C2CD5: variants seen among roughly 807,000 people sequenced by gnomAD.
C2CD5 encodes the protein C2 calcium dependent domain containing 5.
A neutral mutation model predicts 130.3 loss-of-function variants in C2CD5; 109 were observed. The observed-to-expected ratio is 0.84, with a 90% CI of 0.72 to 0.98. The LOEUF (loss-of-function observed/expected upper bound fraction) is 0.98, where lower values mean the gene tolerates loss of function less well. Ranked by LOEUF, C2CD5 falls within the 50% of genes least tolerant of loss-of-function variation. C2CD5 has a pLI of 0.00. For synonymous variants in C2CD5, 454 were observed against 429.2 expected, an observed-to-expected ratio of 1.06 and a Z score of -0.71; for missense variants, 996 against 1,261.8, an observed-to-expected ratio of 0.79 and a Z score of 3.19.
intron 5 of C2CD5, among the ~76,000 whole-genome samples, chr12:22,525,231 G>A (rs1381017954): frequency 6.6e-6 from 1 of 152,136 alleles, no homozygotes; most frequent in African/African-American, 2.4e-5. Flanking sequence ...CAGGCGGGCT[G>A]TGATCACCAA....
intron 3 of C2CD5, among the ~76,000 whole-genome samples, chr12:22,533,279 G>A (rs917743686): frequency 4.6e-5 from 7 of 152,180 alleles, no homozygotes; most frequent in African/African-American, 1.7e-4. Flanking sequence ...CTAGCTCTGG[G>A]TTGGACTTCT....
At chr12:22,451,028 C>T (rs1467270118) in intron 26 of C2CD5, among the ~76,000 whole-genome samples, 1 of 151,536 alleles carries the variant, frequency 6.6e-6, no homozygotes, top group Non-Finnish European at 1.5e-5. Context: ...TATATATTTG[C>T]TTGTATGTAT....
At chr12:22,539,992 CA>C (rs59902224) in intron 2 of C2CD5, among the ~76,000 whole-genome samples, 30,858 of 90,584 alleles carry the variant, frequency 0.34, 3,275 homozygotes, top group African/African-American at 0.39. Context: ...AGCTCCGTCT[CA>C]AAAAAAAAAA....
intron 22 of C2CD5, among the ~76,000 whole-genome samples, chr12:22,469,254 C>T (rs983998215): frequency 2.0e-5 from 3 of 152,018 alleles, no homozygotes; most frequent in Non-Finnish European, 2.9e-5. Flanking sequence ...GGAAGCTCAT[C>T]GCTTTCTCAC....
intron 12 of C2CD5, among the ~76,000 whole-genome samples, chr12:22,486,259 G>A (rs1034893491): frequency 4.6e-5 from 7 of 150,560 alleles, no homozygotes; most frequent in South Asian, 2.1e-4. Context: ...ACTTCAGCCC[G>A]TTCACTGTGG....
At chr12:22,476,489 T>C (rs1022056249) in intron 15 of C2CD5, among the ~76,000 whole-genome samples, 1 of 152,134 alleles carries the variant, frequency 6.6e-6, no homozygotes, top group African/African-American at 2.4e-5. Context: ...TTAAAATTTT[T>C]AAAATCATAA....
intron 10 of C2CD5, chr12:22,502,752 AT>A: frequency 6.5e-7 from 1 of 1,527,558 alleles, no homozygotes; most frequent in East Asian, 2.5e-5. Context: ...AATTGAAACT[AT>A]TCCAGTCTAG....
intron 21 of C2CD5, among the ~76,000 whole-genome samples, chr12:22,470,426 T>C (rs1440215852): frequency 6.6e-6 from 1 of 152,128 alleles, no homozygotes; most frequent in Non-Finnish European, 1.5e-5. Flanking sequence ...CCTTTGTGAA[T>C]CTGTTGAACA....
At chr12:22,520,111 T>C (rs955942288) in intron 7 of C2CD5, among the ~76,000 whole-genome samples, 1 of 152,146 alleles carries the variant, frequency 6.6e-6, no homozygotes, top group African/African-American at 2.4e-5. Context: ...TTACATTGAA[T>C]GTTGTAAAAA....
At chr12:22,470,389 T>C (rs1324353111) in intron 21 of C2CD5, among the ~76,000 whole-genome samples, 1 of 152,104 alleles carries the variant, frequency 6.6e-6, no homozygotes, top group Non-Finnish European at 1.5e-5. Flanking sequence ...TTAAGACTAC[T>C]TCCTAAATTT....
At chr12:22,507,088 T>C in intron 9 of C2CD5, 1 of 278,434 alleles carries the variant, frequency 3.6e-6, no homozygotes, top group Non-Finnish European at 6.9e-6. Flanking sequence ...CAATTTAAGA[T>C]ATTTGAAACA....
intron 10 of C2CD5, among the ~76,000 whole-genome samples, chr12:22,501,505 C>T (rs754074003): frequency 1.3e-5 from 2 of 152,080 alleles, no homozygotes; most frequent in Non-Finnish European, 2.9e-5. Flanking sequence ...TTCCACTATA[C>T]TAATCTGCCT....
At chr12:22,530,194 T>C (rs11614663) in intron 3 of C2CD5, among the ~76,000 whole-genome samples, 22,061 of 144,608 alleles carry the variant, frequency 0.15, 3,459 homozygotes, top group African/African-American at 0.4. Flanking sequence ...TACAACTGTG[T>C]ATATATATAC....
At chr12:22,527,052 G>A (rs1225675528) in intron 4 of C2CD5, among the ~76,000 whole-genome samples, 3 of 152,072 alleles carry the variant, frequency 2.0e-5, no homozygotes, top group Non-Finnish European at 4.4e-5. Context: ...GCCTGCAATC[G>A]CAACTGCCCG....
Position 22,478,363 on chromosome 12 carries a change from T to A in C2CD5, c.1852A>T (p.Ile618Leu), listed in dbSNP as rs1490508298. The A allele has an allele frequency of 1.2e-6, 2 of 1,613,554 alleles. No individual in the cohort carries two copies. The highest frequency in any genetic ancestry group is 1.7e-6 in the Non-Finnish European group (2 of 1,179,544). ...TTGTTTTTAGCAATTGTGTCATTTA[T>A]CTTCTTCTGCATATGAGAGATGTGT... Reference protein sequence around the residue: ...EQHISHMQKKINDTIAKNKEL... With the variant: ...EQHISHMQKKLNDTIAKNKEL... Residue 618 changes from isoleucine (I) to leucine (L), a missense_variant, in exon 15 of 27, where the codon ATA (isoleucine) becomes TTA (leucine). By Grantham distance (5) the Ile-to-Leu change is conservative. Around this residue, in one of 9 missense-constraint regions of C2CD5, gnomAD observed 590 missense variants for 631.4 expected, o/e 0.93. Transcript: ENST00000446597.
intron 21 of C2CD5, among the ~76,000 whole-genome samples, chr12:22,470,290 T>C (rs1156887713): frequency 6.6e-6 from 1 of 152,104 alleles, no homozygotes; most frequent in African/African-American, 2.4e-5. Flanking sequence ...AGTAAATCAT[T>C]CAAACTATAC....
intron 21 of C2CD5, 130 bp from the exon 22 acceptor site, chr12:22,469,925 T>G (rs573046182): frequency 9.3e-6 from 5 of 537,820 alleles, no homozygotes; most frequent in South Asian, 3.0e-5. Flanking sequence ...TTCTGGTCAT[T>G]TTCTCCTTGA....
At chr12:22,542,530 A>C (rs1221317348) in intron 2 of C2CD5, among the ~76,000 whole-genome samples, 1 of 152,242 alleles carries the variant, frequency 6.6e-6, no homozygotes, top group Non-Finnish European at 1.5e-5. Flanking sequence ...TATATATCCC[A>C]GTCTATGCCT....
intron 8 of C2CD5, chr12:22,514,996 A>G (rs1358486280): frequency 1.0e-6 from 1 of 985,234 alleles, no homozygotes; most frequent in African/African-American, 1.7e-5. Context: ...TGAAAGAAAC[A>G]CTTTTCCTCA....
Sources: allele counts gnomAD v4.1 joint callset (sites outside exome capture counted in the v4.1 genomes callset), GRCh38; gene constraint gnomAD v4.1.1; regional missense constraint gnomAD v4.1.1; transcripts MANE v1.5; gene names NCBI Gene and HGNC (gene_info 2026-07-23, HGNC 2026-07-21).